The following ANKS1B variants were observed in gnomAD, a reference collection of about 807,000 sequenced individuals.
ANKS1B encodes the protein ankyrin repeat and sterile alpha motif domain containing 1B.
In ANKS1B, 36 loss-of-function variants were observed where a neutral mutation model predicts 148.3. That is an observed-to-expected ratio of 0.24 (90% CI 0.19 to 0.32). The LOEUF is 0.32. Ranked by LOEUF, ANKS1B falls within the 10% of genes least tolerant of loss-of-function variation. The probability of loss-of-function intolerance (pLI) is 1.00; values close to 1 mark genes in which losing one functional copy is unlikely to be tolerated. For synonymous variants in ANKS1B, 542 were observed against 560.8 expected (o/e 0.97, Z 0.47); for missense variants, 1,157 against 1,542.6 (o/e 0.75, Z 4.19).
At chr12:99,746,276 T>C (rs962693469) in intron 8 of ANKS1B, among the ~76,000 whole-genome samples, 1 of 152,180 alleles carries the variant, frequency 6.6e-6, no homozygotes, top group Admixed American at 6.6e-5. Context: ...ATTAAGGAAA[T>C]AATTCAGTGT....
intron 4 of ANKS1B, among the ~76,000 whole-genome samples, chr12:99,805,979 C>T (rs556559709): frequency 6.6e-6 from 1 of 152,280 alleles, no homozygotes; most frequent in Non-Finnish European, 1.5e-5. Context: ...TTCTCAATCC[C>T]AAAGGACAGT....
chr12:99,943,272 C>G (rs1165406018), intron 1 of ANKS1B, among the ~76,000 whole-genome samples: 2 of 152,154 alleles, frequency 1.3e-5, no homozygotes, highest in Non-Finnish European at 2.9e-5. Flanking sequence ...TTGATAATTT[C>G]AAGTAAAACC....
chr12:99,155,429 A>G (rs904961211), intron 14 of ANKS1B, among the ~76,000 whole-genome samples: 3 of 152,172 alleles, frequency 2.0e-5, no homozygotes, highest in African/African-American at 7.2e-5. Flanking sequence ...GTTTCTTCCA[A>G]ACAAAAGTAT....
At chr12:99,047,991 A>G (rs938890230) in intron 17 of ANKS1B, among the ~76,000 whole-genome samples, 1 of 152,144 alleles carries the variant, frequency 6.6e-6, no homozygotes, top group Admixed American at 6.5e-5. Context: ...CTGGCTAAAA[A>G]TTTTTAATAA....
chr12:98,927,714 A>T (rs2099810020), intron 17 of ANKS1B, among the ~76,000 whole-genome samples: 2 of 151,952 alleles, frequency 1.3e-5, no homozygotes, highest in South Asian at 2.1e-4. Context: ...TCCAAACTAG[A>T]TTATTTTAAG....
At chr12:99,063,274 C>A (rs946310473) in intron 16 of ANKS1B, among the ~76,000 whole-genome samples, 4 of 152,186 alleles carry the variant, frequency 2.6e-5, no homozygotes, top group African/African-American at 9.7e-5. Context: ...TCCCTCTATT[C>A]TGGCTCCTTG....
At chr12:99,007,509 C>T (rs948119666) in intron 17 of ANKS1B, among the ~76,000 whole-genome samples, 2 of 152,108 alleles carry the variant, frequency 1.3e-5, no homozygotes, top group South Asian at 4.1e-4. Context: ...TCGAATCTCC[C>T]AACTCTTCTA....
chr12:99,393,096 TGATAGATA>T (rs143927175), intron 12 of ANKS1B, among the ~76,000 whole-genome samples: 16,099 of 150,608 alleles, frequency 0.11, 841 homozygotes, highest in Non-Finnish European at 0.12. Flanking sequence ...GATAGACAGA[TGATAGATA>T]GATAGATAGA....
At chr12:99,058,267 ACT>A (rs1173918194) in intron 16 of ANKS1B, among the ~76,000 whole-genome samples, 1 of 125,384 alleles carries the variant, frequency 8.0e-6, no homozygotes, top group African/African-American at 3.2e-5. Flanking sequence ...ACAGAGTCTC[ACT>A]CTGTCACCCG....
rs187888570 is a variant in ANKS1B at position 98,963,502 on chromosome 12, T to A, written c.2778+89655A>T. Among the ~76,000 whole-genome samples the A allele has an allele frequency of 3.3e-5, 5 of 152,246 alleles. No individual in the cohort carries two copies. In the East Asian group the frequency reaches 9.7e-4, roughly 29 times the overall value. Reference sequence around the variant, plus strand: ...CAAAAAAATGATTTTCTTAAAAAGATAAACAAAATTTTTGTCAGTTGACAA... The same window carrying A: ...CAAAAAAATGATTTTCTTAAAAAGAAAAACAAAATTTTTGTCAGTTGACAA... On this transcript the variant is annotated intron_variant, in intron 17 of 26. Transcript: ENST00000683438.
intron 1 of ANKS1B, among the ~76,000 whole-genome samples, chr12:99,893,016 C>T (rs561623832): frequency 7.7e-4 from 117 of 152,232 alleles, no homozygotes; most frequent in African/African-American, 2.5e-3. Flanking sequence ...GCTTCACCCA[C>T]GCACACAGAG....
intron 8 of ANKS1B, among the ~76,000 whole-genome samples, chr12:99,735,920 T>C (rs2059579132): frequency 6.6e-6 from 1 of 151,014 alleles, no homozygotes; most frequent in Non-Finnish European, 1.5e-5. Flanking sequence ...TACACCATGA[T>C]CTAGTTGCAT....
chr12:99,688,923 A>C (rs997295649), intron 8 of ANKS1B, among the ~76,000 whole-genome samples: 1 of 152,150 alleles, frequency 6.6e-6, no homozygotes, highest in African/African-American at 2.4e-5. Context: ...AAAAGTTGTG[A>C]ATTTCTTACA....
chr12:98,755,265 C>T (rs1342801508), intron 25 of ANKS1B, among the ~76,000 whole-genome samples: 6 of 152,144 alleles, frequency 3.9e-5, no homozygotes, highest in Non-Finnish European at 7.4e-5. Flanking sequence ...CTATCATGTA[C>T]GAGGAGACTC....
At position 98,894,839 on chromosome 12, in the gene ANKS1B, T is replaced by TGCGCC. The variant is rs1335541454; in HGVS notation, c.2779-62708_2779-62704dup. On this transcript the variant is annotated intron_variant, in intron 17 of 26. Coordinates refer to ENST00000683438, the MANE Select transcript of ANKS1B (RefSeq NM_001352186.2). Reference sequence around the variant, plus strand: ...GGCGCGGAGCTTGGCCGCGCCGCGCTGCGCCGAGCGCCGGGCTCTCCCCGC... The same window carrying TGCGCC: ...GGCGCGGAGCTTGGCCGCGCCGCGCTGCGCCGCGCCGAGCGCCGGGCTCTCCCCGC... 7.9e-5 allele frequency: 78 copies of TGCGCC among 981,480 alleles called. No homozygotes were observed. The East Asian group carries it at 1.6e-3, about 20-fold the overall frequency. The allele number at this position is 981,480 out of a possible 1,614,324, so 60.8% of individuals were successfully genotyped here.
In ANKS1B at chr12:99,007,283, G is replaced by T. The variant is rs536910315; in HGVS notation, c.2778+45874C>A. Among the ~76,000 whole-genome samples, 5 of 152,318 alleles carry T rather than the reference G, an allele frequency of 3.3e-5. No homozygotes were observed. In the South Asian group the frequency reaches 8.3e-4, roughly 25 times the overall value. On this transcript the variant is annotated intron_variant, in intron 17 of 26. Coordinates refer to ENST00000683438, the MANE Select transcript of ANKS1B (RefSeq NM_001352186.2). ...CAGAACTTGAGAAACTATAGACTTGGTAAGTTGGAAAATATGTAGGCAGAA... is the reference window on the plus strand; with the variant it reads ...CAGAACTTGAGAAACTATAGACTTGTTAAGTTGGAAAATATGTAGGCAGAA...
chr12:99,695,903 T>A (rs1030825549), intron 8 of ANKS1B, among the ~76,000 whole-genome samples: 5 of 152,050 alleles, frequency 3.3e-5, no homozygotes, highest in Non-Finnish European at 7.4e-5. Context: ...AAAACTTTTT[T>A]AAAAGATGGT....
At chr12:99,629,803 G>A (rs1399997039) in intron 9 of ANKS1B, among the ~76,000 whole-genome samples, 1 of 152,068 alleles carries the variant, frequency 6.6e-6, no homozygotes, top group Admixed American at 6.6e-5. Flanking sequence ...CTGTCATTAT[G>A]CTATGTGCTT....
At chr12:99,835,340 G>A (rs1034980271) in intron 1 of ANKS1B, among the ~76,000 whole-genome samples, 1 of 151,920 alleles carries the variant, frequency 6.6e-6, no homozygotes, top group Non-Finnish European at 1.5e-5. Flanking sequence ...CTGAGGTGAG[G>A]ATTGCTTGAG....
Sources: gnomAD v4.1 joint callset for allele counts (sites outside exome capture counted in the v4.1 genomes callset) on GRCh38, gnomAD v4.1.1 for gene constraint, MANE v1.5 for transcripts, NCBI Gene and HGNC (gene_info 2026-07-23, HGNC 2026-07-21) for gene names.